DOCK9: variants seen among roughly 807,000 people sequenced by gnomAD.
The protein encoded by DOCK9 is dedicator of cytokinesis protein 9.
Under a neutral mutation model 263.3 loss-of-function variants are expected in DOCK9, and 89 were observed. The ratio of observed to expected loss-of-function variants is 0.34; its 90% CI spans 0.28 to 0.40. The LOEUF is 0.40. Among genes scored for constraint, DOCK9 ranks in the 10% least tolerant of loss-of-function variants. The pLI, the probability that DOCK9 is intolerant of heterozygous loss-of-function variation, is 1.00. For missense variants in DOCK9, 2,140 were observed against 2,603.4 expected (o/e 0.82, Z 3.87); for synonymous variants, 976 against 973.1 (o/e 1.00, Z -0.06).
intron 10 of DOCK9, 144 bp from the exon 11 acceptor site, chr13:98,903,256 G>A (rs2048563958): frequency 6.0e-6 from 4 of 668,940 alleles, no homozygotes; most frequent in Non-Finnish European, 9.1e-6. Flanking sequence ...TATATAATCG[G>A]TTTCTATGGT....
chr13:99,045,495 G>C (rs1888888507), intron 1 of DOCK9, among the ~76,000 whole-genome samples: 1 of 152,074 alleles, frequency 6.6e-6, no homozygotes, highest in Non-Finnish European at 1.5e-5. Context: ...TGGTTACCAG[G>C]GGCTGGGGGT....
At chr13:98,945,561 A>G (rs1313520932) in intron 2 of DOCK9, among the ~76,000 whole-genome samples, 1 of 152,068 alleles carries the variant, frequency 6.6e-6, no homozygotes, top group East Asian at 1.9e-4. Context: ...CTGGGAGGTC[A>G]TTTTAGGACC....
intron 2 of DOCK9, among the ~76,000 whole-genome samples, chr13:98,936,206 G>A (rs991180672): frequency 6.6e-6 from 1 of 151,958 alleles, no homozygotes; most frequent in African/African-American, 2.4e-5. Flanking sequence ...CCCGAGACCT[G>A]TCTGAACAGC....
intron 1 of DOCK9, among the ~76,000 whole-genome samples, chr13:99,075,317 G>A (rs1481034225): frequency 1.3e-5 from 2 of 150,222 alleles, no homozygotes; most frequent in Non-Finnish European, 3.0e-5. Flanking sequence ...TGGACCTGTG[G>A]AGTTCAAACC....
At chr13:98,984,916 T>C (rs1026358046) in intron 1 of DOCK9, among the ~76,000 whole-genome samples, 6 of 152,094 alleles carry the variant, frequency 3.9e-5, no homozygotes, top group South Asian at 2.1e-4. Context: ...TGACCTACTA[T>C]ATACAAAAGA....
intron 1 of DOCK9, among the ~76,000 whole-genome samples, chr13:99,073,702 C>G (rs1363835725): frequency 6.6e-6 from 1 of 152,134 alleles, no homozygotes; most frequent in Non-Finnish European, 1.5e-5. Context: ...GCCTTCAATC[C>G]TGGTGTTCAC....
At chr13:98,941,001 A>G (rs2055745104) in intron 2 of DOCK9, among the ~76,000 whole-genome samples, 2 of 152,132 alleles carry the variant, frequency 1.3e-5, no homozygotes, top group Non-Finnish European at 2.9e-5. Flanking sequence ...ACCTTTTGTG[A>G]CCAACCGTAC....
At chr13:99,044,162 G>A (rs1333234330) in intron 1 of DOCK9, among the ~76,000 whole-genome samples, 3 of 152,302 alleles carry the variant, frequency 2.0e-5, no homozygotes, top group East Asian at 1.9e-4. Flanking sequence ...TTGAATGCTC[G>A]TAACAGGAAA....
chr13:98,873,310 C>G (rs1374736427), intron 27 of DOCK9, among the ~76,000 whole-genome samples: 6 of 152,354 alleles, frequency 3.9e-5, no homozygotes, highest in Non-Finnish European at 2.9e-5. Context: ...AAATCTATTT[C>G]TTTAGTTCTG....
At chr13:98,914,456 G>T (rs940424977) in intron 8 of DOCK9, 61 bp from the exon 9 acceptor site, 145 of 1,458,416 alleles carry the variant, frequency 9.9e-5, no homozygotes, top group Non-Finnish European at 1.3e-4. Context: ...ATTTGAAACA[G>T]GAGGAGGAAG....
intron 2 of DOCK9, chr13:98,949,887 A>T (rs2057200269): frequency 2.1e-6 from 1 of 482,644 alleles, no homozygotes; most frequent in Non-Finnish European, 4.1e-6. Context: ...AATTTCATGT[A>T]TGAGGTCTCC....
At chr13:99,020,890 C>T (rs914456931) in intron 1 of DOCK9, among the ~76,000 whole-genome samples, 1 of 152,188 alleles carries the variant, frequency 6.6e-6, no homozygotes, top group Admixed American at 6.5e-5. Flanking sequence ...CATGATACAG[C>T]ACACTTCACC....
upstream of DOCK9, among the ~76,000 whole-genome samples, chr13:99,087,388 C>G (rs1411586557): frequency 3.3e-5 from 5 of 152,234 alleles, no homozygotes; most frequent in Admixed American, 6.5e-5. Flanking sequence ...AGGACAACGG[C>G]CTGGAAGGGG....
At chr13:99,060,241 A>T (rs1014160553) in intron 1 of DOCK9, among the ~76,000 whole-genome samples, 1 of 150,826 alleles carries the variant, frequency 6.6e-6, no homozygotes, top group South Asian at 2.1e-4. Flanking sequence ...ACCCAGCTAA[A>T]TTTTTTTGTA....
intron 20 of DOCK9, 153 bp downstream of exon 20, chr13:98,885,553 ATT>A: frequency 1.3e-6 from 1 of 797,472 alleles, no homozygotes; most frequent in Non-Finnish European, 1.8e-6. Flanking sequence ...AAAAAAAAAA[ATT>A]ACATATGCAA....
At chr13:99,068,509 G>C (rs2041527590) in intron 1 of DOCK9, among the ~76,000 whole-genome samples, 2 of 152,174 alleles carry the variant, frequency 1.3e-5, no homozygotes, top group Non-Finnish European at 2.9e-5. Flanking sequence ...TTGAACCCAG[G>C]AGGCGGAGCC....
intron 1 of DOCK9, among the ~76,000 whole-genome samples, chr13:99,032,435 C>T (rs554565722): frequency 1.7e-4 from 25 of 150,704 alleles, no homozygotes; most frequent in African/African-American, 5.9e-4. Context: ...GAGATCACAC[C>T]ACTGCACTCC....
At chr13:98,931,080 GAT>G (rs2053841266) in intron 2 of DOCK9, among the ~76,000 whole-genome samples, 1 of 152,166 alleles carries the variant, frequency 6.6e-6, no homozygotes, top group South Asian at 2.1e-4. Context: ...TAAGAGCATA[GAT>G]AACTAGACAC....
intron 1 of DOCK9, among the ~76,000 whole-genome samples, chr13:98,987,873 T>G (rs1304222457): frequency 6.6e-6 from 1 of 152,224 alleles, no homozygotes; most frequent in Non-Finnish European, 1.5e-5. Context: ...TATATCTCCT[T>G]TGGGAGAGCC....
Sources: gnomAD v4.1 joint callset for allele counts (sites outside exome capture counted in the v4.1 genomes callset) on GRCh38, gnomAD v4.1.1 for gene constraint, MANE v1.5 for transcripts, NCBI Gene and HGNC (gene_info 2026-07-23, HGNC 2026-07-21) for gene names.